CUX2: variants seen among roughly 807,000 people sequenced by gnomAD.
The protein encoded by CUX2 is homeobox protein cut-like 2.
In CUX2, 40 loss-of-function variants were observed where a neutral mutation model predicts 144.8. That is an observed-to-expected ratio of 0.28 (90% CI 0.21 to 0.36). CUX2 has a LOEUF of 0.36. CUX2 is among the 10% of genes least tolerant of loss of function. CUX2 has a pLI of 1.00. For missense variants in CUX2, 1,615 were observed against 1,994.0 expected, an observed-to-expected ratio of 0.81 and a Z score of 3.62; for synonymous variants, 827 against 875.6, an observed-to-expected ratio of 0.94 and a Z score of 0.98.
At chr12:111,242,064 A>C (rs1336609217) in intron 3 of CUX2, among the ~76,000 whole-genome samples, 1 of 152,268 alleles carries the variant, frequency 6.6e-6, no homozygotes, top group Non-Finnish European at 1.5e-5. Context: ...ATTATGTGCC[A>C]GATGCTGTTC....
chr12:111,293,537 C>A lies in CUX2; in HGVS notation c.528C>A (p.Thr176=). The change falls in exon 6 of 22, where the codon ACC becomes ACA. Residue 176 remains threonine, a synonymous_variant. Transcript: ENST00000261726. The surrounding 1 kb of genome is among the most constrained non-coding windows in gnomAD (Gnocchi z 4.5). ...GIPGKALLTE[T]LLQRNEAEKQ... ...CCGGGAAAGCCCTCCTGACAGAAAC[C>A]TTGCTGCAGAGAAATGAGGCGGAAA... 1 of 1,596,214 alleles carries A rather than the reference C, an allele frequency of 6.3e-7. No individual in the cohort carries two copies. Among genetic ancestry groups the A allele is most frequent in the South Asian group, 1.1e-5 (1 of 87,854 alleles).
intron 1 of CUX2, among the ~76,000 whole-genome samples, chr12:111,076,479 G>A (rs1299659189): frequency 6.6e-6 from 1 of 152,226 alleles, no homozygotes; most frequent in Non-Finnish European, 1.5e-5. Flanking sequence ...ACACAGCCAG[G>A]AAGTGGCAGA....
At position 111,056,079 on chromosome 12, in the gene CUX2, G is replaced by A. The variant is rs116347479; in HGVS notation, c.63+21839G>A. Among the ~76,000 whole-genome samples the A allele has an allele frequency of 8.4e-3, 1,281 of 152,320 alleles. 24 individuals carry two copies. The highest frequency in any genetic ancestry group is 0.029 in the African/African-American group (1,190 of 41,568). ...GCTGTTGAGATCCGAGGCAAAAGGC[G>A]GAGGCCAATTGTGGCTTTCTTTGGG... On this transcript the variant is annotated intron_variant, in intron 1 of 21. Transcript: ENST00000261726.
intron 1 of CUX2, among the ~76,000 whole-genome samples, chr12:111,174,376 G>C (rs1407900664): frequency 6.6e-6 from 1 of 152,168 alleles, no homozygotes. Context: ...TGATCAGTTT[G>C]GTTCCACCCT....
chr12:111,218,517 A>G (rs1477148511), intron 3 of CUX2, among the ~76,000 whole-genome samples: 1 of 152,100 alleles, frequency 6.6e-6, no homozygotes. Context: ...CCCTGTCTCT[A>G]AAACAATAAA....
chr12:111,312,029 C>T lies in CUX2; in HGVS notation c.1901-71C>T. 1 of 1,390,336 alleles carries T rather than the reference C, an allele frequency of 7.2e-7. No individual in the cohort carries two copies. The highest frequency in any genetic ancestry group is 1.3e-5 in the South Asian group (1 of 78,760). The allele number at this position is 1,390,336 out of a possible 1,614,324, so 86.1% of individuals were successfully genotyped here. ...CTTCTGGGAGGAGGAGACAGCCCCC[C>T]TACCCCACCAGGCTCCGGAGACTGA... On this transcript the variant is annotated intron_variant, in intron 15 of 21. Transcript: ENST00000261726. The surrounding 1 kb of genome is among the most constrained non-coding windows in gnomAD (Gnocchi z 4.3).
chr12:111,338,402 C>T lies in CUX2; in HGVS notation c.3313C>T (p.Arg1105Cys), dbSNP rs747245831. Residue 1105 changes from arginine (R) to cysteine (C), a missense_variant, in exon 20 of 22, where the codon CGC (arginine) becomes TGC (cysteine). Transcript: ENST00000261726. ...LSLKGREPFV[R>C]MQLWLNDPHN... ...CCTGAAGGGGCGGGAGCCTTTTGTCCGCATGCAGCTGTGGCTCAATGACCC... is the reference window on the plus strand; with the variant it reads ...CCTGAAGGGGCGGGAGCCTTTTGTCTGCATGCAGCTGTGGCTCAATGACCC... 1.9e-6 allele frequency: 3 copies of T among 1,614,098 alleles called. No homozygotes were observed. Among genetic ancestry groups the T allele is most frequent in the Admixed American group, 1.7e-5 (1 of 59,998 alleles).
chr12:111,282,539 T>C (rs1885163669), intron 4 of CUX2, among the ~76,000 whole-genome samples: 1 of 145,018 alleles, frequency 6.9e-6, no homozygotes, highest in African/African-American at 2.6e-5. Context: ...GGCAGGAGAA[T>C]CACTTGAACC....
intron 1 of CUX2, among the ~76,000 whole-genome samples, chr12:111,105,485 CTGTGTG>C (rs139804461): frequency 2.5e-4 from 37 of 149,598 alleles, no homozygotes; most frequent in African/African-American, 5.6e-4. Flanking sequence ...CTGGAAAGCT[CTGTGTG>C]TGTGTGTGTG....
chr12:111,238,177 C>CG (rs1356206205), intron 3 of CUX2, among the ~76,000 whole-genome samples: 23 of 152,196 alleles, frequency 1.5e-4, no homozygotes, highest in African/African-American at 5.6e-4. Flanking sequence ...TTCCCAGGAC[C>CG]TTTTACAACG....
At chr12:111,128,942 A>C (rs1345296092) in intron 1 of CUX2, among the ~76,000 whole-genome samples, 1 of 152,226 alleles carries the variant, frequency 6.6e-6, no homozygotes. Flanking sequence ...CCAAACTGGC[A>C]GCTTTTCAGG....
intron 1 of CUX2, among the ~76,000 whole-genome samples, chr12:111,049,461 A>G (rs954339475): frequency 6.6e-6 from 1 of 152,246 alleles, no homozygotes; most frequent in African/African-American, 2.4e-5. Flanking sequence ...TTGGTGGAGG[A>G]GTCAACTGTA....
chr12:111,156,985 C>CAAAAAA (rs1200398908), intron 1 of CUX2, among the ~76,000 whole-genome samples: 209 of 18,860 alleles, frequency 0.011, 13 homozygotes, highest in East Asian at 0.03. Flanking sequence ...AAACTTCTCT[C>CAAAAAA]AAAAAAAAAA....
rs1449872607 is a variant in CUX2 at position 111,290,902 on chromosome 12, G to A, written c.302-516G>A. 4.3e-5 allele frequency among the ~76,000 whole-genome samples: 6 copies of A among 140,058 alleles called. No individual in the cohort carries two copies. The South Asian group carries it at 9.2e-4, about 21-fold the overall frequency. The allele number at this position is 140,058 out of a possible 152,430, so 91.9% of individuals were successfully genotyped here. A position where few individuals can be genotyped will look rare whatever the true frequency, so the allele number is the denominator to read the frequency against. ...TTTTGAGATGGAGTCTTGCTCTATC[G>A]CCCAGGCTGGAGTGCAGTGGCGTGA... On this transcript the variant is annotated intron_variant, in intron 4 of 21. Coordinates refer to ENST00000261726, the MANE Select transcript of CUX2 (RefSeq NM_015267.4).
Position 111,287,404 on chromosome 12 carries a change from C to T in CUX2, c.302-4014C>T, listed in dbSNP as rs1223364509. Among the ~76,000 whole-genome samples, 2 of 152,244 alleles carry T rather than the reference C, an allele frequency of 1.3e-5. No homozygotes were observed. The highest frequency in any genetic ancestry group is 2.4e-5 in the African/African-American group (1 of 41,460). On this transcript the variant is annotated intron_variant, in intron 4 of 21. Transcript: ENST00000261726. This position sits in a 1 kb window ranked among gnomAD's most constrained non-coding sequence, Gnocchi z 4.2. ...AACTTCCCTGACCCCGGCGAGTGCT[C>T]GTTGCCTTTTTTCCTCCTGTCTCAA... is the stretch of plus-strand genomic sequence containing the variant.
intron 1 of CUX2, among the ~76,000 whole-genome samples, chr12:111,126,709 C>T (rs1005879236): frequency 1.3e-5 from 2 of 152,128 alleles, no homozygotes; most frequent in Non-Finnish European, 2.9e-5. Flanking sequence ...GTCACAGATA[C>T]CCCCAGAATA....
chr12:111,253,964 A>T (rs928737746), intron 3 of CUX2, among the ~76,000 whole-genome samples: 1 of 152,044 alleles, frequency 6.6e-6, no homozygotes, highest in African/African-American at 2.4e-5. Flanking sequence ...TCCTGACCTC[A>T]GGCGATCCAC....
Position 111,220,010 on chromosome 12 carries a change from A to T in CUX2, c.222+2073A>T, listed in dbSNP as rs112137831. On this transcript the variant is annotated intron_variant, in intron 3 of 21. Coordinates refer to ENST00000261726, the MANE Select transcript of CUX2 (RefSeq NM_015267.4). ...AATACAAAAATTAGCCAGGTGTGGT[A>T]GTGGGCACCTGTAATTCCAATTACT... is the stretch of plus-strand genomic sequence containing the variant. 7.0e-3 allele frequency among the ~76,000 whole-genome samples: 1,062 copies of T among 152,132 alleles called. 23 individuals carry two copies. The highest frequency in any genetic ancestry group is 0.025 in the African/African-American group (1,020 of 41,508).
chr12:111,179,137 A>T (rs1392321455), intron 1 of CUX2, among the ~76,000 whole-genome samples: 3 of 152,100 alleles, frequency 2.0e-5, no homozygotes, highest in Non-Finnish European at 4.4e-5. Flanking sequence ...TCCCCTCCTC[A>T]TTGAGGATCC....
Sources: allele counts gnomAD v4.1 joint callset (sites outside exome capture counted in the v4.1 genomes callset), GRCh38; gene constraint gnomAD v4.1.1; non-coding constraint Gnocchi (gnomAD v3.1); transcripts MANE v1.5; gene names NCBI Gene and HGNC (gene_info 2026-07-23, HGNC 2026-07-21).